Variants in PKP4 observed in about 807,000 individuals in gnomAD.
The protein encoded by PKP4 is plakophilin-4.
Under a neutral mutation model 145.1 loss-of-function variants are expected in PKP4, and 90 were observed. The observed-to-expected ratio is 0.62, with a 90% CI of 0.52 to 0.74. The LOEUF is 0.74. Ranked by LOEUF, PKP4 falls within the 30% of genes least tolerant of loss-of-function variation. The pLI, the probability that PKP4 is intolerant of heterozygous loss-of-function variation, is 0.00. For missense variants in PKP4, 1,340 were observed against 1,482.7 expected (o/e 0.90, Z 1.58); for synonymous variants, 563 against 577.2 (o/e 0.98, Z 0.35).
At chr2:158,599,725 T>C (rs1270393730) in intron 3 of PKP4, among the ~76,000 whole-genome samples, 1 of 152,154 alleles carries the variant, frequency 6.6e-6, no homozygotes, top group East Asian at 1.9e-4. Context: ...ATGGAGTCTC[T>C]AGGAAGGCCA....
At chr2:158,539,591 G>A (rs188594540) in intron 2 of PKP4, among the ~76,000 whole-genome samples, 1 of 152,168 alleles carries the variant, frequency 6.6e-6, no homozygotes, top group Non-Finnish European at 1.5e-5. Context: ...TGGCAACTTA[G>A]TTATTTTTCC....
chr2:158,672,699 G>C (rs1303287551), intron 17 of PKP4, among the ~76,000 whole-genome samples: 4 of 152,188 alleles, frequency 2.6e-5, no homozygotes, highest in African/African-American at 9.7e-5. Flanking sequence ...GGTTAGAAAG[G>C]CTTTGAGTGG....
chr2:158,570,665 C>G (rs2047345271), intron 2 of PKP4, among the ~76,000 whole-genome samples: 1 of 152,030 alleles, frequency 6.6e-6, no homozygotes, highest in African/African-American at 2.4e-5. Flanking sequence ...GGTATGTTGC[C>G]TCTTGGTGTG....
chr2:158,584,620 G>T (rs1306948576), intron 3 of PKP4, among the ~76,000 whole-genome samples: 1 of 152,128 alleles, frequency 6.6e-6, no homozygotes, highest in African/African-American at 2.4e-5. Flanking sequence ...CCAGGAGTTT[G>T]AAACTAGCCT....
At chr2:158,499,537 C>G (rs544731793) in intron 1 of PKP4, among the ~76,000 whole-genome samples, 27 of 152,140 alleles carry the variant, frequency 1.8e-4, no homozygotes, top group Non-Finnish European at 3.7e-4. Flanking sequence ...GTTAGAATAG[C>G]AGAGATCAGA....
chr2:158,616,657 C>G (rs186797820), intron 4 of PKP4, among the ~76,000 whole-genome samples: 95 of 152,230 alleles, frequency 6.2e-4, no homozygotes, highest in African/African-American at 2.1e-3. Context: ...GGGCAAACCC[C>G]TAAACACCAT....
chr2:158,583,996 C>A (rs975523213), intron 3 of PKP4, among the ~76,000 whole-genome samples: 11 of 152,156 alleles, frequency 7.2e-5, no homozygotes, highest in Non-Finnish European at 1.0e-4. Flanking sequence ...GCCAGGTTCC[C>A]AACAAGCGTT....
chr2:158,678,873 C>T (rs529325333), intron 21 of PKP4: 11 of 579,578 alleles, frequency 1.9e-5, no homozygotes, highest in African/African-American at 1.9e-4. Context: ...CTGAGACCAC[C>T]GTGCCACTGA....
chr2:158,675,924 G>T (rs2057968789), intron 19 of PKP4, among the ~76,000 whole-genome samples: 1 of 152,132 alleles, frequency 6.6e-6, no homozygotes, highest in Non-Finnish European at 1.5e-5. Context: ...ACTCTTATTT[G>T]AAATTAACTT....
intron 9 of PKP4, among the ~76,000 whole-genome samples, chr2:158,636,119 C>T (rs1050095997): frequency 3.0e-4 from 46 of 152,130 alleles, no homozygotes; most frequent in African/African-American, 9.6e-4. Context: ...AAAGGAGTAA[C>T]GTAAAAGACT....
At chr2:158,461,413 G>A (rs1421069351) in intron 1 of PKP4, among the ~76,000 whole-genome samples, 2 of 152,030 alleles carry the variant, frequency 1.3e-5, no homozygotes, top group African/African-American at 4.8e-5. Context: ...TAACATTATA[G>A]TTTATTATGA....
chr2:158,613,101 G>C (rs2051284464), intron 4 of PKP4, among the ~76,000 whole-genome samples: 1 of 152,130 alleles, frequency 6.6e-6, no homozygotes, highest in Non-Finnish European at 1.5e-5. Context: ...GTCACCTGCA[G>C]AGCTACTAAA....
intron 2 of PKP4, among the ~76,000 whole-genome samples, chr2:158,566,353 C>A (rs2046985562): frequency 6.6e-6 from 1 of 151,974 alleles, no homozygotes; most frequent in Non-Finnish European, 1.5e-5. Flanking sequence ...GTCATTTATT[C>A]TTTTAGTTTT....
intron 2 of PKP4, among the ~76,000 whole-genome samples, chr2:158,541,857 C>T (rs896298668): frequency 9.2e-5 from 14 of 152,030 alleles, no homozygotes; most frequent in African/African-American, 3.1e-4. Context: ...AAAATTTTCC[C>T]CAAATCATTC....
chr2:158,565,434 C>CT (rs2046885934), intron 2 of PKP4, among the ~76,000 whole-genome samples: 1 of 74,266 alleles, frequency 1.3e-5, no homozygotes, highest in Non-Finnish European at 3.1e-5. Context: ...CTTCTTTTTT[C>CT]CTTTTTTTTT....
intron 17 of PKP4, among the ~76,000 whole-genome samples, chr2:158,670,815 T>G (rs1430929571): frequency 6.6e-6 from 1 of 152,150 alleles, no homozygotes; most frequent in Non-Finnish European, 1.5e-5. Context: ...CCTCACTGAT[T>G]AAGCAGGAAG....
intron 2 of PKP4, among the ~76,000 whole-genome samples, chr2:158,564,363 A>T (rs937217586): frequency 2.0e-5 from 3 of 152,202 alleles, no homozygotes; most frequent in Admixed American, 2.0e-4. Context: ...CATTCTTTTG[A>T]ATAAGGATAT....
At chr2:158,477,639 T>G (rs1332463280) in intron 1 of PKP4, among the ~76,000 whole-genome samples, 1 of 152,182 alleles carries the variant, frequency 6.6e-6, no homozygotes, top group Non-Finnish European at 1.5e-5. Context: ...ATTGATCAAC[T>G]GGGATTAGGC....
At chr2:158,640,845 C>A in intron 10 of PKP4, 86 bp downstream of exon 10, 1 of 1,403,758 alleles carries the variant, frequency 7.1e-7, no homozygotes, top group Admixed American at 1.8e-5. Flanking sequence ...AGAAATTACC[C>A]AGTGTAATTC....
Sources: allele counts gnomAD v4.1 joint callset (sites outside exome capture counted in the v4.1 genomes callset), GRCh38; gene constraint gnomAD v4.1.1; transcripts MANE v1.5; gene names NCBI Gene and HGNC (gene_info 2026-07-23, HGNC 2026-07-21).